DNAH11: variants seen among roughly 807,000 people sequenced by gnomAD.
The protein encoded by DNAH11 is dynein axonemal heavy chain 11.
DNAH11 carries 442 observed loss-of-function variants against 526.0 expected under a neutral mutation model. The observed-to-expected ratio is 0.84, with a 90% CI of 0.78 to 0.91. DNAH11 has a LOEUF of 0.91. Ranked by LOEUF, DNAH11 falls within the 40% of genes least tolerant of loss-of-function variation. DNAH11 has a pLI of 0.00. For synonymous variants in DNAH11, 2,461 were observed against 1,935.9 expected (o/e 1.27, Z -7.12); for missense variants, 6,989 against 5,448.7 (o/e 1.28, Z -8.90).
intron 30 of DNAH11, among the ~76,000 whole-genome samples, chr7:21,680,015 C>T (rs1020731591): frequency 1.4e-4 from 21 of 152,188 alleles, no homozygotes; most frequent in African/African-American, 4.6e-4. Flanking sequence ...ATGAGATCAG[C>T]AACGTGCTTA....
intron 53 of DNAH11, among the ~76,000 whole-genome samples, 158 bp from the exon 54 acceptor site, chr7:21,750,064 A>G (rs1642672073): frequency 6.6e-6 from 1 of 152,192 alleles, no homozygotes; most frequent in African/African-American, 2.4e-5. Flanking sequence ...AACGTGTTGT[A>G]TGTCTCGTAA....
chr7:21,891,250 G>A (rs1252685323), intron 76 of DNAH11, among the ~76,000 whole-genome samples: 1 of 152,208 alleles, frequency 6.6e-6, no homozygotes, highest in African/African-American at 2.4e-5. Flanking sequence ...GGACCACAGT[G>A]TAGCATACAC....
intron 54 of DNAH11, among the ~76,000 whole-genome samples, chr7:21,763,353 A>AAAAAAAAAAAAAAAAAAAAGAAG (rs66803559): frequency 3.5e-5 from 2 of 56,964 alleles, no homozygotes; most frequent in African/African-American, 1.0e-4. Context: ...AAAAAAAAAA[A>AAAAAAAAAAAAAAAAAAAAGAAG]AAAGAAAAAA....
At chr7:21,738,460 C>T (rs766165317) in intron 46 of DNAH11, among the ~76,000 whole-genome samples, 1 of 152,112 alleles carries the variant, frequency 6.6e-6, no homozygotes, top group Non-Finnish European at 1.5e-5. Context: ...GCTGCACGTG[C>T]TGCAGTCTCC....
At chr7:21,753,981 G>C in intron 54 of DNAH11, among the ~76,000 whole-genome samples, 1 of 152,098 alleles carries the variant, frequency 6.6e-6, no homozygotes, top group East Asian at 1.9e-4. Flanking sequence ...GTATATAGGA[G>C]AGCTGTTGAT....
chr7:21,814,084 T>G (rs1231721841), intron 63 of DNAH11, among the ~76,000 whole-genome samples: 2 of 152,220 alleles, frequency 1.3e-5, no homozygotes, highest in Admixed American at 1.3e-4. Flanking sequence ...TATTGAATGC[T>G]GTAGGCAATT....
At chr7:21,775,701 G>A (rs747284622) in intron 56 of DNAH11, among the ~76,000 whole-genome samples, 2 of 151,828 alleles carry the variant, frequency 1.3e-5, no homozygotes, top group African/African-American at 4.8e-5. Flanking sequence ...CTCCATGTCA[G>A]TTTTCTTCTA....
At chr7:21,612,399 C>CA (rs1427987459) in intron 20 of DNAH11, among the ~76,000 whole-genome samples, 1 of 151,448 alleles carries the variant, frequency 6.6e-6, no homozygotes, top group Non-Finnish European at 1.5e-5. Context: ...ACTAAAAATA[C>CA]AAAAAATTAG....
At chr7:21,732,449 C>T (rs1268949637) in intron 45 of DNAH11, among the ~76,000 whole-genome samples, 1 of 152,168 alleles carries the variant, frequency 6.6e-6, no homozygotes, top group Non-Finnish European at 1.5e-5. Context: ...GGCTTCACGA[C>T]ATGAATGTTG....
At position 21,785,336 on chromosome 7, in the gene DNAH11, T is replaced by C. The variant is rs28479974; in HGVS notation, c.9597+796T>C. 7.6e-3 allele frequency among the ~76,000 whole-genome samples: 1,150 copies of C among 152,274 alleles called. 13 individuals are homozygous for C. Among genetic ancestry groups the C allele is most frequent in the African/African-American group, 0.027 (1,108 of 41,562 alleles). ...ATACTTACATGGGTATTTCTTAGAG[T>C]ACCATAAAACTGAAAAATTTTAAAT... On this transcript the variant is annotated intron_variant, in intron 58 of 81. Coordinates refer to ENST00000409508, the MANE Select transcript of DNAH11 (RefSeq NM_001277115.2).
chr7:21,711,031 C>A (rs1427877534), intron 41 of DNAH11, among the ~76,000 whole-genome samples: 2 of 152,146 alleles, frequency 1.3e-5, no homozygotes, highest in Non-Finnish European at 2.9e-5. Context: ...AGTATAAATA[C>A]TTAGACAATG....
intron 44 of DNAH11, among the ~76,000 whole-genome samples, chr7:21,724,881 C>T (rs1427546990): frequency 3.3e-5 from 5 of 150,688 alleles, no homozygotes; most frequent in Non-Finnish European, 7.4e-5. Context: ...ATATAGGAGT[C>T]TCTGGGCCAG....
At chr7:21,725,467 A>G (rs1442821868) in intron 44 of DNAH11, among the ~76,000 whole-genome samples, 4 of 152,254 alleles carry the variant, frequency 2.6e-5, no homozygotes, top group Non-Finnish European at 4.4e-5. Context: ...TTTAAATCAA[A>G]TAATGTCATT....
chr7:21,818,898 C>CTGGAG, intron 65 of DNAH11, among the ~76,000 whole-genome samples: 1 of 152,250 alleles, frequency 6.6e-6, no homozygotes, highest in South Asian at 2.1e-4. Flanking sequence ...CCCCCTACCC[C>CTGGAG]TCCAGGAGCT....
chr7:21,623,372 G>C (rs1786172222), intron 25 of DNAH11, among the ~76,000 whole-genome samples: 1 of 151,764 alleles, frequency 6.6e-6, no homozygotes, highest in African/African-American at 2.4e-5. Flanking sequence ...TGGTGGGACT[G>C]TAAACTAGTT....
intron 6 of DNAH11, among the ~76,000 whole-genome samples, chr7:21,565,355 A>G (rs1044682505): frequency 6.6e-6 from 1 of 152,190 alleles, no homozygotes; most frequent in African/African-American, 2.4e-5. Context: ...ATATCCAGAT[A>G]CAGTCACATT....
intron 2 of DNAH11, among the ~76,000 whole-genome samples, chr7:21,556,095 A>T (rs1020873094): frequency 1.3e-4 from 20 of 152,098 alleles, no homozygotes; most frequent in Admixed American, 1.3e-3. Context: ...TGGGGTTACA[A>T]TTCTCACAGA....
At chr7:21,788,349 G>T (rs1474937720) in intron 60 of DNAH11, among the ~76,000 whole-genome samples, 2 of 152,068 alleles carry the variant, frequency 1.3e-5, no homozygotes, top group Non-Finnish European at 2.9e-5. Context: ...GGGCCCACAG[G>T]GATAGGACTC....
chr7:21,638,502 C>CA (rs1458156910), intron 27 of DNAH11, among the ~76,000 whole-genome samples: 1 of 152,004 alleles, frequency 6.6e-6, no homozygotes, highest in Non-Finnish European at 1.5e-5. Context: ...GGAGGGAAGT[C>CA]ACTTGTGTTT....
Sources: gnomAD v4.1 joint callset for allele counts (sites outside exome capture counted in the v4.1 genomes callset) on GRCh38, gnomAD v4.1.1 for gene constraint, MANE v1.5 for transcripts, NCBI Gene and HGNC (gene_info 2026-07-23, HGNC 2026-07-21) for gene names.